The following AMZ1 variants were observed in gnomAD, a reference collection of about 807,000 sequenced individuals.
AMZ1 encodes the protein archaemetzincin-1.
Under a neutral mutation model 29.9 loss-of-function variants are expected in AMZ1, and 39 were observed. That is an observed-to-expected ratio of 1.30 (90% CI 1.01 to 1.70). AMZ1 has a LOEUF of 1.70. AMZ1 is among the 40% of genes most tolerant of loss of function. The probability of loss-of-function intolerance (pLI) is 0.00; values close to 1 mark genes in which losing one functional copy is unlikely to be tolerated. For synonymous variants in AMZ1, 458 were observed against 304.0 expected (o/e 1.51, Z -5.27); for missense variants, 1,041 against 680.6 (o/e 1.53, Z -5.89).
At chr7:2,742,742 T>C (rs952324560) in intron 4 of AMZ1, among the ~76,000 whole-genome samples, 2 of 152,260 alleles carry the variant, frequency 1.3e-5, no homozygotes, top group African/African-American at 4.8e-5. Context: ...ACACAGGTGA[T>C]GCACATCTTC....
intron 1 of AMZ1, among the ~76,000 whole-genome samples, chr7:2,696,600 G>T (rs1268093838): frequency 6.6e-6 from 1 of 151,396 alleles, no homozygotes; most frequent in Non-Finnish European, 1.5e-5. Flanking sequence ...AACTTCCAGG[G>T]CTGGCCGGGC....
intron 4 of AMZ1, 65 bp from the exon 5 acceptor site, chr7:2,709,010 T>A: frequency 6.7e-7 from 1 of 1,499,916 alleles, no homozygotes; most frequent in South Asian, 1.4e-5. Flanking sequence ...GAGGTGGGTT[T>A]GACGGTGGGC....
At chr7:2,761,130 T>TA (rs1313734158), upstream of AMZ1, among the ~76,000 whole-genome samples, 5 of 152,278 alleles carry the variant, frequency 3.3e-5, no homozygotes, top group African/African-American at 9.6e-5. Context: ...GGGCTCCTCT[T>TA]AGAGTTATGC....
intron 4 of AMZ1, among the ~76,000 whole-genome samples, chr7:2,744,829 C>G (rs995721565): frequency 1.3e-5 from 2 of 152,042 alleles, no homozygotes; most frequent in South Asian, 2.1e-4. Flanking sequence ...CTTAAAGGAC[C>G]TGATGGAGCT....
chr7:2,733,013 C>T (rs1025858652), intron 4 of AMZ1, among the ~76,000 whole-genome samples: 14 of 152,272 alleles, frequency 9.2e-5, no homozygotes, highest in Middle Eastern at 6.8e-3. Context: ...TACGGTACTG[C>T]GGTTGTCATT....
At chr7:2,711,791 C>T (rs2159494) in intron 6 of AMZ1, among the ~76,000 whole-genome samples, 15,539 of 152,122 alleles carry the variant, frequency 0.1, 1,444 homozygotes, top group East Asian at 0.5. Context: ...CACCTGTAAT[C>T]CCAGCACTTT....
intron 3 of AMZ1, among the ~76,000 whole-genome samples, chr7:2,703,340 T>G (rs1788170884): frequency 6.6e-6 from 1 of 152,082 alleles, no homozygotes; most frequent in South Asian, 2.1e-4. Flanking sequence ...AGGGTCTCAC[T>G]GTGTTGGCCA....
At chr7:2,720,295 T>C (rs961792741), downstream of AMZ1, among the ~76,000 whole-genome samples, 3 of 152,248 alleles carry the variant, frequency 2.0e-5, no homozygotes, top group Non-Finnish European at 4.4e-5. Flanking sequence ...ACTTCACAAA[T>C]GTTCACTCCC....
chr7:2,748,580 C>T (rs1790877934), intron 4 of AMZ1, among the ~76,000 whole-genome samples: 1 of 151,990 alleles, frequency 6.6e-6, no homozygotes, highest in Non-Finnish European at 1.5e-5. Flanking sequence ...TAGGCAATAC[C>T]ATTCAGGACA....
chr7:2,762,968 T>C (rs1791638344), upstream of AMZ1: 4 of 1,354,318 alleles, frequency 3.0e-6, no homozygotes, highest in Non-Finnish European at 3.8e-6. Context: ...GGTCTCCTGC[T>C]CCTCAGAAAG....
At chr7:2,743,726 C>T (rs147281075) in intron 4 of AMZ1, among the ~76,000 whole-genome samples, 3,543 of 152,286 alleles carry the variant, frequency 0.023, 97 homozygotes, top group Middle Eastern at 0.075. Flanking sequence ...GGGCGAGGCA[C>T]TGCCTCACTC....
In AMZ1 at chr7:2,712,327, T is replaced by C. The variant is rs761203769; in HGVS notation, c.949-3T>C. The stretch of plus-strand genomic sequence containing the variant: ...AAACTCAGCCTGTGTTTCTCCCTCT[T>C]AGAGACTCTACACCTGGACTCAGGC... On this transcript the variant is annotated splice_polypyrimidine_tract_variant and splice_region_variant and intron_variant, in intron 6 of 6. Transcript: ENST00000683327. 1 of 1,567,416 alleles carries C rather than the reference T, an allele frequency of 6.4e-7. No individual in the cohort carries two copies. Among genetic ancestry groups the C allele is most frequent in the Non-Finnish European group, 8.7e-7 (1 of 1,156,046 alleles).
rs917708948 is a variant in AMZ1 at position 2,693,696 on chromosome 7, T to C, written c.-219+5400T>C. Among the ~76,000 whole-genome samples, 7 of 152,014 alleles carry C rather than the reference T, an allele frequency of 4.6e-5. No individual in the cohort carries two copies. The East Asian group carries it at 7.8e-4, about 17-fold the overall frequency. ...TCAGCCTCCAGAGTAGCTAGGACTA[T>C]AGGCGCCCGCCACCACGCCTGGCTA... On this transcript the variant is annotated intron_variant, in intron 1 of 6. Coordinates refer to ENST00000683327, the MANE Select transcript of AMZ1 (RefSeq NM_001384743.1).
intron 1 of AMZ1, among the ~76,000 whole-genome samples, chr7:2,689,586 C>G (rs1177794046): frequency 6.6e-6 from 1 of 152,214 alleles, no homozygotes; most frequent in Non-Finnish European, 1.5e-5. Context: ...GCTTTGAAAC[C>G]AGGCCCCGCT....
At chr7:2,759,181 A>G (rs987441083) in intron 4 of AMZ1, among the ~76,000 whole-genome samples, 1 of 147,688 alleles carries the variant, frequency 6.8e-6, no homozygotes, top group African/African-American at 2.6e-5. Flanking sequence ...ATAAATAAAT[A>G]AATAAATAAA....
chr7:2,715,814 A>G lies in AMZ1; in HGVS notation c.*2936A>G, dbSNP rs1021062055. ...GAGAATGAGGGCTGCCTTCTCGAGGAAGGTCACAGCTCACGAATCTTTCTA... is the reference window on the plus strand; with the variant it reads ...GAGAATGAGGGCTGCCTTCTCGAGGGAGGTCACAGCTCACGAATCTTTCTA... On this transcript the variant is annotated 3_prime_UTR_variant, in exon 7 of 7. Transcript: ENST00000683327. 6.6e-6 allele frequency: 1 copy of G among 152,234 alleles called. No homozygotes were observed. Among genetic ancestry groups the G allele is most frequent in the Non-Finnish European group, 1.5e-5 (1 of 68,046 alleles). 9.4% of individuals were successfully genotyped at this position (152,234 alleles called of 1,614,324 possible).
chr7:2,760,855 C>G (rs931285957), upstream of AMZ1, among the ~76,000 whole-genome samples: 2 of 152,186 alleles, frequency 1.3e-5, no homozygotes, highest in Non-Finnish European at 2.9e-5. Flanking sequence ...GCTGGTGACA[C>G]GAGGAACAGA....
At chr7:2,724,541 C>A (rs961959592), downstream of AMZ1, among the ~76,000 whole-genome samples, 7 of 152,170 alleles carry the variant, frequency 4.6e-5, no homozygotes, top group Non-Finnish European at 1.0e-4. Flanking sequence ...TCTCTGCACC[C>A]TCCCACCCCA....
chr7:2,695,507 C>T (rs542202391), intron 1 of AMZ1, among the ~76,000 whole-genome samples: 35 of 151,100 alleles, frequency 2.3e-4, no homozygotes, highest in African/African-American at 5.6e-4. Flanking sequence ...GCTTGAGCCT[C>T]GGAGTTCAAG....
Sources: allele counts gnomAD v4.1 joint callset (sites outside exome capture counted in the v4.1 genomes callset), GRCh38; gene constraint gnomAD v4.1.1; transcripts MANE v1.5; gene names NCBI Gene and HGNC (gene_info 2026-07-23, HGNC 2026-07-21).